Variants in ZNF385D observed in about 807,000 individuals in gnomAD.
The protein encoded by ZNF385D is zinc finger protein 659.
ZNF385D carries 15 observed loss-of-function variants against 35.8 expected under a neutral mutation model. The observed-to-expected ratio is 0.42, with a 90% CI of 0.28 to 0.64. ZNF385D has a LOEUF of 0.64. Among genes scored for constraint, ZNF385D ranks in the 30% least tolerant of loss-of-function variants. The pLI, the probability that ZNF385D is intolerant of heterozygous loss-of-function variation, is 0.23. For missense variants in ZNF385D, 474 were observed against 494.6 expected (o/e 0.96, Z 0.39); for synonymous variants, 212 against 186.8 (o/e 1.13, Z -1.10).
intron 3 of ZNF385D, among the ~76,000 whole-genome samples, chr3:21,866,642 A>G (rs1453605255): frequency 1.3e-5 from 2 of 152,194 alleles, no homozygotes; most frequent in Non-Finnish European, 2.9e-5. Flanking sequence ...GTCCCAGGTA[A>G]TGCTGATGCT....
intron 3 of ZNF385D, among the ~76,000 whole-genome samples, chr3:21,849,193 G>A (rs1696211322): frequency 6.6e-6 from 1 of 151,942 alleles, no homozygotes; most frequent in African/African-American, 2.4e-5. Flanking sequence ...TATAAGTCTT[G>A]AAAACACTAA....
At chr3:21,818,349 G>C (rs1222291667) in intron 3 of ZNF385D, among the ~76,000 whole-genome samples, 1 of 152,070 alleles carries the variant, frequency 6.6e-6, no homozygotes, top group African/African-American at 2.4e-5. Flanking sequence ...AGATACTTAA[G>C]AGACCTATTG....
intron 2 of ZNF385D, among the ~76,000 whole-genome samples, chr3:22,298,268 G>A (rs368471766): frequency 6.6e-6 from 1 of 151,576 alleles, no homozygotes; most frequent in African/African-American, 2.4e-5. Flanking sequence ...TAAGTCATAA[G>A]GTGACTTAAA....
intron 2 of ZNF385D, among the ~76,000 whole-genome samples, chr3:21,616,585 A>G (rs1306516215): frequency 2.0e-5 from 3 of 152,128 alleles, no homozygotes; most frequent in African/African-American, 7.2e-5. Context: ...CAAACCACAA[A>G]TGTTTCTCTA....
intron 3 of ZNF385D, among the ~76,000 whole-genome samples, chr3:21,811,586 T>C (rs1357142679): frequency 2.0e-5 from 3 of 152,182 alleles, no homozygotes; most frequent in Non-Finnish European, 4.4e-5. Flanking sequence ...TTCCAATGTA[T>C]GGCGATAACT....
At chr3:21,955,815 G>A (rs1702257578) in intron 3 of ZNF385D, among the ~76,000 whole-genome samples, 1 of 151,988 alleles carries the variant, frequency 6.6e-6, no homozygotes, top group Non-Finnish European at 1.5e-5. Context: ...AAGTACTACT[G>A]GTGTGACACA....
intron 3 of ZNF385D, among the ~76,000 whole-genome samples, chr3:21,874,817 G>C (rs1697878902): frequency 6.6e-6 from 1 of 152,088 alleles, no homozygotes; most frequent in South Asian, 2.1e-4. Flanking sequence ...ATCTGCTTTG[G>C]GAAGTGTGGA....
rs1381496794 is a variant in ZNF385D, at chr3:21,984,120, G to C, written c.325+184697C>G. On this transcript the variant is annotated intron_variant, in intron 3 of 5. Coordinates refer to the ZNF385D transcript ENST00000494108. ...TTTTCTCCCATGTTGTAGGTTGCCT[G>C]TTCACTCTGATGGTAGTTTCTTTTG... Among the ~76,000 whole-genome samples, 438 of 136,704 alleles carry C rather than the reference G, an allele frequency of 3.2e-3. 13 individuals are homozygous for C. The highest frequency in any genetic ancestry group is 0.013 in the African/African-American group (416 of 32,138). 89.7% of individuals were successfully genotyped at this position (136,704 alleles called of 152,430 possible).
intron 3 of ZNF385D, among the ~76,000 whole-genome samples, chr3:21,797,048 C>T (rs189539248): frequency 1.1e-4 from 17 of 152,200 alleles, no homozygotes; most frequent in Admixed American, 9.2e-4. Context: ...TGAAAGACAT[C>T]GTCAAGAGAA....
At chr3:22,131,343 G>A (rs1703772225) in intron 3 of ZNF385D, among the ~76,000 whole-genome samples, 1 of 152,084 alleles carries the variant, frequency 6.6e-6, no homozygotes. Context: ...ACAGGTAAAG[G>A]AAGCAATGCC....
At chr3:21,545,166 A>G (rs2062328360) in intron 3 of ZNF385D, among the ~76,000 whole-genome samples, 1 of 152,198 alleles carries the variant, frequency 6.6e-6, no homozygotes, top group Non-Finnish European at 1.5e-5. Flanking sequence ...TACCCTGGAT[A>G]TTTTGCTATT....
chr3:22,346,203 G>A (rs1405358708), intron 2 of ZNF385D, among the ~76,000 whole-genome samples: 1 of 152,078 alleles, frequency 6.6e-6, no homozygotes, highest in Non-Finnish European at 1.5e-5. Context: ...TTATAAGCCA[G>A]GCTCCATAAA....
At chr3:22,324,194 GCTC>G (rs1442295213) in intron 2 of ZNF385D, among the ~76,000 whole-genome samples, 3 of 152,080 alleles carry the variant, frequency 2.0e-5, no homozygotes, top group Non-Finnish European at 4.4e-5. Context: ...TAATTTTGGT[GCTC>G]CTAATAGGAC....
At chr3:21,624,912 C>T (rs764449843) in intron 2 of ZNF385D, among the ~76,000 whole-genome samples, 1 of 152,016 alleles carries the variant, frequency 6.6e-6, no homozygotes, top group Non-Finnish European at 1.5e-5. Context: ...GCCAAACCCG[C>T]CTTACCTTCA....
intron 3 of ZNF385D, among the ~76,000 whole-genome samples, chr3:22,071,284 C>G (rs11718193): frequency 0.081 from 12,356 of 152,236 alleles, 658 homozygotes; most frequent in Admixed American, 0.16. Context: ...TATCAAGCTT[C>G]TGTCCCAAAG....
chr3:22,256,988 A>AG (rs1286767558), intron 2 of ZNF385D, among the ~76,000 whole-genome samples: 6 of 151,852 alleles, frequency 4.0e-5, no homozygotes, highest in Non-Finnish European at 7.4e-5. Context: ...AAAACCCAAG[A>AG]CCTCAGATGA....
chr3:21,764,488 G>C (rs1446925787), intron 3 of ZNF385D, among the ~76,000 whole-genome samples: 1 of 152,072 alleles, frequency 6.6e-6, no homozygotes, highest in Non-Finnish European at 1.5e-5. Flanking sequence ...GTAATCTCTG[G>C]TACAAGCCAC....
At chr3:21,774,629 G>T (rs1158193271) in intron 3 of ZNF385D, among the ~76,000 whole-genome samples, 1 of 151,850 alleles carries the variant, frequency 6.6e-6, no homozygotes, top group African/African-American at 2.4e-5. Context: ...TAGGTGCAGA[G>T]ATAGAGAGAA....
chr3:22,156,716 T>C (rs570425049), intron 3 of ZNF385D, among the ~76,000 whole-genome samples: 1 of 152,216 alleles, frequency 6.6e-6, no homozygotes, highest in African/African-American at 2.4e-5. Flanking sequence ...CTCACCCTTT[T>C]TCCCTTACTG....
Sources: allele counts gnomAD v4.1 joint callset (sites outside exome capture counted in the v4.1 genomes callset), GRCh38; gene constraint gnomAD v4.1.1; transcripts MANE v1.5; gene names NCBI Gene and HGNC (gene_info 2026-07-23, HGNC 2026-07-21).